Variants in PTPRU observed in about 807,000 individuals in gnomAD.
The protein encoded by PTPRU is protein tyrosine phosphatase receptor type U.
Under a neutral mutation model 166.3 loss-of-function variants are expected in PTPRU, and 69 were observed. The observed-to-expected ratio is 0.41, with a 90% CI of 0.34 to 0.51. The LOEUF is 0.51. Ranked by LOEUF, PTPRU falls within the 20% of genes least tolerant of loss-of-function variation. The pLI is 0.09. For synonymous variants in PTPRU, 793 were observed against 814.0 expected, an observed-to-expected ratio of 0.97 and a Z score of 0.44; for missense variants, 1,657 against 2,013.7, an observed-to-expected ratio of 0.82 and a Z score of 3.39.
rs1415705443 is a variant in PTPRU at position 29,311,320 on chromosome 1, T to C, written c.2858-136T>C. 5.3e-6 allele frequency: 4 copies of C among 761,758 alleles called. No individual in the cohort carries two copies. The highest frequency in any genetic ancestry group is 1.7e-5 in the African/African-American group (1 of 57,852). 47.2% of individuals were successfully genotyped at this position (761,758 alleles called of 1,614,324 possible). A position where few individuals can be genotyped will look rare whatever the true frequency, so the allele number is the denominator to read the frequency against. ...GCATGCGTCAGCTGCAAGCTGGGTG[T>C]TGTGGGCAGCATGAAGCCCCCGTTG... On this transcript the variant is annotated intron_variant, in intron 19 of 29. Transcript: ENST00000373779. This position sits in a 1 kb window ranked among gnomAD's most constrained non-coding sequence, Gnocchi z 4.1.
chr1:29,283,360 C>T (rs1016754091), intron 12 of PTPRU, among the ~76,000 whole-genome samples: 2 of 151,590 alleles, frequency 1.3e-5, no homozygotes, highest in East Asian at 3.9e-4. Context: ...CATAGCCAGC[C>T]CTCCTGACCC....
rs984382734 is a variant in PTPRU, at chr1:29,317,081, C to T, written c.3514-667C>T. On this transcript the variant is annotated intron_variant, in intron 24 of 29. Transcript: ENST00000373779. The surrounding 1 kb of genome is among the most constrained non-coding windows in gnomAD (Gnocchi z 5.6). Reference sequence around the variant, plus strand: ...AGGGTTCCCGGAGGAGGGTGTCAGGCTTTGGGGATCATGATAGACTGTGGT... The same window carrying T: ...AGGGTTCCCGGAGGAGGGTGTCAGGTTTTGGGGATCATGATAGACTGTGGT... 2.0e-5 allele frequency among the ~76,000 whole-genome samples: 3 copies of T among 152,096 alleles called. No homozygotes were observed. Among genetic ancestry groups the T allele is most frequent in the African/African-American group, 7.2e-5 (3 of 41,404 alleles).
Position 29,238,070 on chromosome 1 carries a change from T to G in PTPRU, c.73+1353T>G, listed in dbSNP as rs558750779. On this transcript the variant is annotated intron_variant, in intron 1 of 29. Transcript: ENST00000373779. This position sits in a 1 kb window ranked among gnomAD's most constrained non-coding sequence, Gnocchi z 6.1. Reference sequence around the variant, plus strand: ...CCGGCCGGGACCGCCAGGTGTGTGCTTGAGTGTGAGCGTGAGTGTGAGCGT... The same window carrying G: ...CCGGCCGGGACCGCCAGGTGTGTGCGTGAGTGTGAGCGTGAGTGTGAGCGT... 2.8e-3 allele frequency among the ~76,000 whole-genome samples: 431 copies of G among 151,568 alleles called. 3 individuals carry two copies. The highest frequency in any genetic ancestry group is 1.0e-2 in the African/African-American group (413 of 41,418).
At chr1:29,285,873 C>T (rs981258957) in intron 14 of PTPRU, among the ~76,000 whole-genome samples, 2 of 152,176 alleles carry the variant, frequency 1.3e-5, no homozygotes, top group Admixed American at 6.5e-5. Flanking sequence ...GTGGTCCAAG[C>T]GCCTTAAATG....
At position 29,271,375 on chromosome 1, in the gene PTPRU, T is replaced by C; in HGVS notation, c.1145-4073T>C. Among the ~76,000 whole-genome samples the C allele has an allele frequency of 6.6e-6, 1 of 152,146 alleles. No individual in the cohort carries two copies. The highest frequency in any genetic ancestry group is 1.9e-4 in the East Asian group (1 of 5,192). Reference sequence around the variant, plus strand: ...TCTGTAGTCAACAAACTATTTGAGCTCCCTGGATCTGTCCAGATATGATCA... The same window carrying C: ...TCTGTAGTCAACAAACTATTTGAGCCCCCTGGATCTGTCCAGATATGATCA... On this transcript the variant is annotated intron_variant, in intron 7 of 29. Coordinates refer to ENST00000373779, the MANE Select transcript of PTPRU (RefSeq NM_133178.4). This position sits in a 1 kb window ranked among gnomAD's most constrained non-coding sequence, Gnocchi z 4.4.
chr1:29,260,103 A>ACGGGGGCGGGCTCTGCC lies in PTPRU; in HGVS notation c.850+68_850+84dup, dbSNP rs1553365076. 1.8e-4 allele frequency: 164 copies of ACGGGGGCGGGCTCTGCC among 925,294 alleles called. No individual in the cohort carries two copies. The African/African-American group carries it at 2.7e-3, about 15-fold the overall frequency. 57.3% of individuals were successfully genotyped at this position (925,294 alleles called of 1,614,324 possible). On this transcript the variant is annotated intron_variant, in intron 6 of 29. Coordinates refer to ENST00000373779, the MANE Select transcript of PTPRU (RefSeq NM_133178.4). This position sits in a 1 kb window ranked among gnomAD's most constrained non-coding sequence, Gnocchi z 8.3. Reference sequence around the variant, plus strand: ...TCACCCTCGAGGGGCGGGGCCGGCGACGGGGGCGGGCTCTGCCCGGGGGCG... The same window carrying ACGGGGGCGGGCTCTGCC: ...TCACCCTCGAGGGGCGGGGCCGGCGACGGGGGCGGGCTCTGCCCGGGGGCGGGCTCTGCCCGGGGGCG...
At chr1:29,323,026 TC>T (rs1450585070) in intron 26 of PTPRU, among the ~76,000 whole-genome samples, 6 of 152,036 alleles carry the variant, frequency 3.9e-5, no homozygotes, top group Non-Finnish European at 7.4e-5. Context: ...GTGGGAGTGA[TC>T]CAGGCCTATT....
At chr1:29,281,492 G>T (rs780772670) in intron 11 of PTPRU, among the ~76,000 whole-genome samples, 6 of 152,114 alleles carry the variant, frequency 3.9e-5, no homozygotes, top group Admixed American at 6.5e-5. Context: ...GGAGGGGAGC[G>T]GCAAGATGGC....
chr1:29,318,026 C>T, intron 25 of PTPRU, 105 bp downstream of exon 25: 4 of 1,417,582 alleles, frequency 2.8e-6, no homozygotes, highest in Non-Finnish European at 3.8e-6. Flanking sequence ...TGGGGGGACC[C>T]CTGCCCATTC....
At position 29,236,957 on chromosome 1, in the gene PTPRU, T is replaced by A. The variant is rs144387590; in HGVS notation, c.73+240T>A. Among the ~76,000 whole-genome samples the A allele has an allele frequency of 1.4e-3, 208 of 152,150 alleles. 1 individual carries two copies. Among genetic ancestry groups the A allele is most frequent in the African/African-American group, 3.7e-3 (153 of 41,518 alleles). Reference sequence around the variant, plus strand: ...TCGGCGAGTATGTTGGGGGTGAATGTTGTGTGCATCGAGGCATTGGGTGTG... The same window carrying A: ...TCGGCGAGTATGTTGGGGGTGAATGATGTGTGCATCGAGGCATTGGGTGTG... On this transcript the variant is annotated intron_variant, in intron 1 of 29. Coordinates refer to ENST00000373779, the MANE Select transcript of PTPRU (RefSeq NM_133178.4). The surrounding 1 kb of genome is among the most constrained non-coding windows in gnomAD (Gnocchi z 4.6).
At chr1:29,243,960 G>C (rs1684172991) in intron 1 of PTPRU, among the ~76,000 whole-genome samples, 1 of 152,188 alleles carries the variant, frequency 6.6e-6, no homozygotes, top group Non-Finnish European at 1.5e-5. Context: ...AGAAGATGCT[G>C]CTTCCAGATG....
intron 8 of PTPRU, among the ~76,000 whole-genome samples, chr1:29,278,511 G>A (rs1685916838): frequency 6.6e-6 from 1 of 152,190 alleles, no homozygotes; most frequent in Non-Finnish European, 1.5e-5. Context: ...AATTGTAGAT[G>A]CCATTAATTT....
intron 26 of PTPRU, among the ~76,000 whole-genome samples, chr1:29,321,927 C>T (rs1219510182): frequency 4.6e-5 from 7 of 152,234 alleles, no homozygotes; most frequent in African/African-American, 1.7e-4. Flanking sequence ...TACAGATACC[C>T]AGCCTTCCAG....
chr1:29,279,798 A>T lies in PTPRU; in HGVS notation c.1765+141A>T, dbSNP rs1457855253. 2.7e-6 allele frequency: 3 copies of T among 1,111,828 alleles called. No homozygotes were observed. The highest frequency in any genetic ancestry group is 3.9e-6 in the Non-Finnish European group (3 of 772,852). The allele number at this position is 1,111,828 out of a possible 1,614,324, so 68.9% of individuals were successfully genotyped here. A position where few individuals can be genotyped will look rare whatever the true frequency, so the allele number is the denominator to read the frequency against. Reference sequence around the variant, plus strand: ...AGATAAATATGCCATTTAGGAGTTAAAGTCAGGCTCAGGGAGGATGAAGTC... The same window carrying T: ...AGATAAATATGCCATTTAGGAGTTATAGTCAGGCTCAGGGAGGATGAAGTC... On this transcript the variant is annotated intron_variant, in intron 10 of 29. Transcript: ENST00000373779. This position sits in a 1 kb window ranked among gnomAD's most constrained non-coding sequence, Gnocchi z 5.2.
intron 7 of PTPRU, among the ~76,000 whole-genome samples, chr1:29,272,138 G>A (rs562987124): frequency 1.2e-4 from 19 of 152,266 alleles, no homozygotes; most frequent in South Asian, 1.0e-3. Context: ...CTCCTCTGGC[G>A]CAAACATAGA....
rs549345604 is a variant in PTPRU at position 29,320,630 on chromosome 1, C to T, written c.3688-55C>T. The T allele has an allele frequency of 6.7e-7, 1 of 1,491,814 alleles. No individual in the cohort carries two copies. Among genetic ancestry groups the T allele is most frequent in the South Asian group, 1.4e-5 (1 of 73,800 alleles). The allele number at this position is 1,491,814 out of a possible 1,614,324, so 92.4% of individuals were successfully genotyped here. On this transcript the variant is annotated intron_variant, in intron 25 of 29. Coordinates refer to ENST00000373779, the MANE Select transcript of PTPRU (RefSeq NM_133178.4). The surrounding 1 kb of genome is among the most constrained non-coding windows in gnomAD (Gnocchi z 5.2). ...GGGAAGACAGCCTGGGGCAGAGGCT[C>T]AGCCCAGGCCAGGGGCCGGGAACAG...
At chr1:29,239,783 C>T (rs193193305) in intron 1 of PTPRU, among the ~76,000 whole-genome samples, 8 of 152,184 alleles carry the variant, frequency 5.3e-5, no homozygotes, top group Non-Finnish European at 8.8e-5. Context: ...TCCTTCTGTC[C>T]GTCCTCAGCT....
At chr1:29,278,332 G>C (rs556386513) in intron 8 of PTPRU, among the ~76,000 whole-genome samples, 1 of 152,282 alleles carries the variant, frequency 6.6e-6, no homozygotes, top group African/African-American at 2.4e-5. Context: ...TAGGACTTCA[G>C]CTTCCCCATA....
rs1182157574 is a variant in PTPRU, at chr1:29,259,494, C to A, written c.605C>A (p.Ala202Glu). Residue 202 changes from alanine (A) to glutamate (E), a missense_variant, in exon 5 of 30, where the codon GCG becomes GAG. Around this residue, in one of 3 missense-constraint regions of PTPRU, gnomAD observed 453 missense variants for 496.9 expected, o/e 0.91. Coordinates refer to ENST00000373779, the MANE Select transcript of PTPRU (RefSeq NM_133178.4). ...CGCCTGGGCGACGTGGAGGTCAACG[C>A]GGGCCAGAACGCGTCGTTCCAGTGC... ...FSRLGDVEVN[A>E]GQNASFQCMA... 6.3e-7 allele frequency: 1 copy of A among 1,588,824 alleles called. No homozygotes were observed. Among genetic ancestry groups the A allele is most frequent in the Non-Finnish European group, 8.6e-7 (1 of 1,164,506 alleles).
Sources: gnomAD v4.1 joint callset for allele counts (sites outside exome capture counted in the v4.1 genomes callset) on GRCh38, gnomAD v4.1.1 for gene constraint, gnomAD v4.1.1 regional missense constraint, Gnocchi (gnomAD v3.1) non-coding constraint, MANE v1.5 for transcripts, NCBI Gene and HGNC (gene_info 2026-07-23, HGNC 2026-07-21) for gene names.